Variants in MYO15A observed in about 807,000 individuals in gnomAD.
MYO15A encodes myosin XVA.
In MYO15A, 308 loss-of-function variants were observed where a neutral mutation model predicts 394.6. The ratio of observed to expected loss-of-function variants is 0.78; its 90% CI spans 0.71 to 0.86. The LOEUF (loss-of-function observed/expected upper bound fraction) is 0.86, where lower values mean the gene tolerates loss of function less well. Among genes scored for constraint, MYO15A ranks in the 40% least tolerant of loss-of-function variants. The probability of loss-of-function intolerance (pLI) is 0.00; values close to 1 mark genes in which losing one functional copy is unlikely to be tolerated. For missense variants in MYO15A, 4,606 were observed against 4,799.1 expected (o/e 0.96, Z 1.19); for synonymous variants, 1,957 against 2,003.8 (o/e 0.98, Z 0.62).
At chr17:18,151,349 GC>G in intron 39 of MYO15A, 45 bp from the exon 40 acceptor site, 2 of 1,614,194 alleles carry the variant, frequency 1.2e-6, no homozygotes, top group Non-Finnish European at 1.7e-6. Flanking sequence ...GTGTGGTTGT[GC>G]CCCTTGTGGC....
In MYO15A at chr17:18,173,884, T is replaced by C; in HGVS notation, c.10454T>C (p.Val3485Ala). The change falls in exon 65 of 66, where the codon GTG becomes GCG. Residue 3485 changes from valine to alanine, a missense_variant. This residue lies in a region of MYO15A where 2,776 missense variants were observed against 3,109.3 expected (regional missense o/e 0.89). Transcript: ENST00000647165. ...YPYVEIALGD[V>A]AAQRTLQLQL... ...TATGTGGAGATTGCGCTGGGGGACG[T>C]GGCGGCCCAGCGCACCTTGCAGCTG... 1 of 1,612,878 alleles carries C rather than the reference T, an allele frequency of 6.2e-7. No homozygotes were observed. Among genetic ancestry groups the C allele is most frequent in the East Asian group, 2.2e-5 (1 of 44,864 alleles).
Position 18,150,635 on chromosome 17 carries a change from G to C in MYO15A, c.7328-63G>C. 6.2e-7 allele frequency: 1 copy of C among 1,604,698 alleles called. No homozygotes were observed. Among genetic ancestry groups the C allele is most frequent in the Non-Finnish European group, 8.5e-7 (1 of 1,174,592 alleles). On this transcript the variant is annotated intron_variant, in intron 36 of 65. Transcript: ENST00000647165. This position sits in a 1 kb window ranked among gnomAD's most constrained non-coding sequence, Gnocchi z 4.4. ...TGGAGGCAGCCACAGCATGATGGGG[G>C]CTGAGAGGACAGGGAGGAGGGCATC...
chr17:18,120,277 C>A lies in MYO15A; in HGVS notation c.1477C>A (p.Leu493Met), dbSNP rs1161401831. 2 of 1,611,778 alleles carry A rather than the reference C, an allele frequency of 1.2e-6. No individual in the cohort carries two copies. Among genetic ancestry groups the A allele is most frequent in the African/African-American group, 2.7e-5 (2 of 74,952 alleles). Reference protein sequence around the residue: ...PQVKLFGKEKLEVPLPPSLDI... With the variant: ...PQVKLFGKEKMEVPLPPSLDI... The stretch of plus-strand genomic sequence containing the variant: ...GGTGAAGCTGTTTGGGAAGGAGAAG[C>A]TGGAGGTGCCCCTGCCACCCTCTCT... Residue 493 changes from leucine (L) to methionine (M), a missense_variant, in exon 2 of 66, where the codon CTG becomes ATG. Around this residue, in one of 2 missense-constraint regions of MYO15A, gnomAD observed 1,830 missense variants for 1,689.7 expected, o/e 1.08. Coordinates refer to ENST00000647165, the MANE Select transcript of MYO15A (RefSeq NM_016239.4).
At position 18,142,775 on chromosome 17, in the gene MYO15A, A is replaced by G. The variant is rs2046404951; in HGVS notation, c.5845A>G (p.Arg1949Gly). Residue 1949 changes from arginine (R) to glycine (G), a missense_variant, in exon 25 of 66, where the codon AGG becomes GGG. This residue lies in a region of MYO15A where 2,776 missense variants were observed against 3,109.3 expected (regional missense o/e 0.89). Coordinates refer to ENST00000647165, the MANE Select transcript of MYO15A (RefSeq NM_016239.4). ...ACCCAGGCAACGCTATCAGCAGATG[A>G]GGAGGAGTCTGGTGAAGTTCCGGTC... ...YLARQRYQQM[R>G]RSLVKFRSLV... 2 of 1,613,538 alleles carry G rather than the reference A, an allele frequency of 1.2e-6. No individual in the cohort carries two copies. Among genetic ancestry groups the G allele is most frequent in the South Asian group, 1.1e-5 (1 of 91,012 alleles).
Position 18,172,182 on chromosome 17 carries a change from C to T in MYO15A, c.10242C>T (p.Phe3414=), listed in dbSNP as rs188485743. Residue 3414 remains phenylalanine (F), a synonymous_variant, in exon 64 of 66, where the codon TTC becomes TTT. Transcript: ENST00000647165. ...GCCTCCTCAGCGCCTTACCTATGTT[C>T]GGCTCCTCCTTCTTCTTCATCCAGA... ...FLGLLSALPM[F]GSSFFFIQSC... 7,490 of 1,614,192 alleles carry T rather than the reference C, an allele frequency of 4.6e-3. 27 individuals carry two copies. Among genetic ancestry groups the T allele is most frequent in the Non-Finnish European group, 5.8e-3 (6,800 of 1,180,038 alleles).
chr17:18,153,637 G>C lies in MYO15A; in HGVS notation c.7967-138G>C. ...CGCTTGAACCCAGGAGGCGGAGCTT[G>C]CAGTGGGCCGAGATTGCGCCACTGC... On this transcript the variant is annotated intron_variant, in intron 42 of 65. Coordinates refer to ENST00000647165, the MANE Select transcript of MYO15A (RefSeq NM_016239.4). The surrounding 1 kb of genome is among the most constrained non-coding windows in gnomAD (Gnocchi z 4.1). The C allele has an allele frequency of 1.2e-6, 1 of 865,236 alleles. No individual in the cohort carries two copies. Among genetic ancestry groups the C allele is most frequent in the Non-Finnish European group, 1.5e-6 (1 of 659,420 alleles). The allele number at this position is 865,236 out of a possible 1,614,324, so 53.6% of individuals were successfully genotyped here. A position where few individuals can be genotyped will look rare whatever the true frequency, so the allele number is the denominator to read the frequency against.
At position 18,143,697 on chromosome 17, in the gene MYO15A, C is replaced by T. The variant is rs773606188; in HGVS notation, c.5965-18C>T. 6.3e-7 allele frequency: 1 copy of T among 1,585,346 alleles called. No individual in the cohort carries two copies. On this transcript the variant is annotated intron_variant, in intron 26 of 65. Transcript: ENST00000647165. ...GGATGTGGCAGGCCTGTCCCTGTCC[C>T]ATGCACTGTCCCTCTAGGAGCTGAG...
At chr17:18,124,908 A>T in intron 3 of MYO15A, 2 of 594,598 alleles carry the variant, frequency 3.4e-6, no homozygotes, top group Non-Finnish European at 6.0e-6. Context: ...CAGCATCATT[A>T]TCTAATCACA....
intron 60 of MYO15A, among the ~76,000 whole-genome samples, chr17:18,165,283 A>G (rs1296668501): frequency 6.6e-6 from 1 of 152,186 alleles, no homozygotes; most frequent in Non-Finnish European, 1.5e-5. Flanking sequence ...AAACATAAAT[A>G]TATTACCTTA....
In MYO15A at chr17:18,144,528, TG is replaced by T. The variant is rs2046441729; in HGVS notation, c.6210del (p.Arg2071GlyfsTer16). On this transcript the variant is annotated frameshift_variant, in exon 29 of 66. Coordinates refer to ENST00000647165, the MANE Select transcript of MYO15A (RefSeq NM_016239.4). LOFTEE classifies it high-confidence loss of function. ...GCCTTTGGGATGCTGACAGTGCCCC[TG>T]AGGACACCCCTCACGCAGCTGCCAG... ...EPAFGMLTVP[L>X]RTPLTQLPAE... is the part of the protein sequence containing the mutation. 6.2e-7 allele frequency: 1 copy of T among 1,613,306 alleles called. No homozygotes were observed. The highest frequency in any genetic ancestry group is 8.5e-7 in the Non-Finnish European group (1 of 1,180,020).
At position 18,118,824 on chromosome 17, in the gene MYO15A, GAAGAAAGCC is replaced by G. The variant is rs1567617546; in HGVS notation, c.32_40del (p.Ala11_Lys13del). 1.2e-6 allele frequency: 2 copies of G among 1,609,810 alleles called. No individual in the cohort carries two copies. Among genetic ancestry groups the G allele is most frequent in the Non-Finnish European group, 1.7e-6 (2 of 1,178,054 alleles). On this transcript the variant is annotated inframe_deletion, in exon 2 of 66. Transcript: ENST00000647165. ...CCATGGCGAAGGAGGAAGATGAGGA[GAAGAAAGCC>G]AAGAAAGGGAAGAAGGGGAAGAAGG...
At position 18,150,868 on chromosome 17, in the gene MYO15A, C is replaced by CCAG; in HGVS notation, c.7436_7438dup (p.Gln2479dup). ...AGATGACCCTGCAGGCCACGGCACT[C>CCAG]CAGCAGCAGCCCCTGAGTGCTGCCC... On this transcript the variant is annotated inframe_insertion, in exon 38 of 66. Transcript: ENST00000647165. This position sits in a 1 kb window ranked among gnomAD's most constrained non-coding sequence, Gnocchi z 4.4. The CCAG allele has an allele frequency of 6.3e-7, 1 of 1,597,558 alleles. No homozygotes were observed. Among genetic ancestry groups the CCAG allele is most frequent in the East Asian group, 2.3e-5 (1 of 43,988 alleles).
chr17:18,114,241 C>CTTTTTT (rs10583154), intron 1 of MYO15A, among the ~76,000 whole-genome samples: 976 of 55,586 alleles, frequency 0.018, 283 homozygotes, highest in Non-Finnish European at 0.026. Context: ...ACAGTCCTGT[C>CTTTTTT]TTTTTTTTTT....
At chr17:18,130,104 C>T (rs2046125418) in intron 7 of MYO15A, among the ~76,000 whole-genome samples, 1 of 152,190 alleles carries the variant, frequency 6.6e-6, no homozygotes, top group Non-Finnish European at 1.5e-5. Flanking sequence ...TAGTCTGGAT[C>T]TCCGGGCCTC....
At chr17:18,142,517 G>A (rs998021303) in intron 24 of MYO15A, among the ~76,000 whole-genome samples, 4 of 152,236 alleles carry the variant, frequency 2.6e-5, no homozygotes, top group Non-Finnish European at 4.4e-5. Flanking sequence ...GAGATTATAA[G>A]CTGTTGGGAA....
intron 4 of MYO15A, chr17:18,125,538 C>CAA (rs34328243): frequency 2.2e-4 from 63 of 283,772 alleles, no homozygotes; most frequent in Middle Eastern, 1.3e-3. Flanking sequence ...ACTAAAAATA[C>CAA]AAAAAAAAAA....
At position 18,147,955 on chromosome 17, in the gene MYO15A, C is replaced by T. The variant is rs2046508303; in HGVS notation, c.6510-74C>T. On this transcript the variant is annotated intron_variant, in intron 30 of 65. Coordinates refer to ENST00000647165, the MANE Select transcript of MYO15A (RefSeq NM_016239.4). The surrounding 1 kb of genome is among the most constrained non-coding windows in gnomAD (Gnocchi z 4.4). ...TCAGACTAGCCTCAGAATTTCCTAC[C>T]CCCACCCCGCAGCCCTCAGCCCCAA... 1 of 1,579,512 alleles carries T rather than the reference C, an allele frequency of 6.3e-7. No individual in the cohort carries two copies. The highest frequency in any genetic ancestry group is 1.3e-5 in the African/African-American group (1 of 74,178).
intron 57 of MYO15A, 78 bp from the exon 58 acceptor site, chr17:18,162,507 A>G: frequency 7.7e-7 from 1 of 1,305,282 alleles, no homozygotes. Flanking sequence ...CAGTGGGCTC[A>G]TGGTTGGTGG....
intron 23 of MYO15A, 62 bp downstream of exon 23, chr17:18,141,832 G>A: frequency 2.6e-6 from 4 of 1,543,234 alleles, no homozygotes; most frequent in Non-Finnish European, 3.6e-6. Flanking sequence ...CACAACTACT[G>A]AGTCAGAAAT....
Sources: allele counts gnomAD v4.1 joint callset (sites outside exome capture counted in the v4.1 genomes callset), GRCh38; gene constraint gnomAD v4.1.1; regional missense constraint gnomAD v4.1.1; non-coding constraint Gnocchi (gnomAD v3.1); transcripts MANE v1.5; gene names NCBI Gene and HGNC (gene_info 2026-07-23, HGNC 2026-07-21).